AFG1L: variants seen among roughly 807,000 people sequenced by gnomAD.
AFG1L encodes the protein AFG1 like ATPase.
Under a neutral mutation model 62.2 loss-of-function variants are expected in AFG1L, and 53 were observed. The observed-to-expected ratio is 0.85, with a 90% confidence interval of 0.68 to 1.07. The LOEUF is 1.07. Among genes scored for constraint, AFG1L ranks in the 50% least tolerant of loss-of-function variants. The probability of loss-of-function intolerance (pLI) is 0.00; values close to 1 mark genes in which losing one functional copy is unlikely to be tolerated. For missense variants in AFG1L, 555 were observed against 590.5 expected (o/e 0.94, Z 0.62); for synonymous variants, 228 against 210.3 (o/e 1.08, Z -0.73).
chr6:108,468,832 C>A (rs80352736), intron 8 of AFG1L, among the ~76,000 whole-genome samples: 2,476 of 149,902 alleles, frequency 0.017, 32 homozygotes, highest in Non-Finnish European at 0.027. Context: ...CCTTTTCCTG[C>A]ATTTTGGATC....
chr6:108,343,659 G>A (rs1778764393), intron 2 of AFG1L, among the ~76,000 whole-genome samples: 1 of 152,178 alleles, frequency 6.6e-6, no homozygotes, highest in South Asian at 2.1e-4. Flanking sequence ...AGAGCATAAT[G>A]CTTTTTCTGG....
intron 11 of AFG1L, among the ~76,000 whole-genome samples, chr6:108,512,613 C>T (rs564972472): frequency 2.0e-4 from 31 of 152,192 alleles, no homozygotes; most frequent in African/African-American, 6.5e-4. Context: ...TGGAGAGACT[C>T]GTTATTTTGA....
At chr6:108,418,489 CT>C (rs987599893) in intron 7 of AFG1L, among the ~76,000 whole-genome samples, 11 of 151,880 alleles carry the variant, frequency 7.2e-5, no homozygotes, top group African/African-American at 2.7e-4. Context: ...TCAATAGCAC[CT>C]TTTTTTTCTA....
In AFG1L at chr6:108,439,034, G is replaced by A. The variant is rs781726710; in HGVS notation, c.808-8180G>A. Reference sequence around the variant, plus strand: ...GAGCCCTGAAGTGAGAGAACTTCACGATAATGTTAAAAATTTAGAGCTTAA... The same window carrying A: ...GAGCCCTGAAGTGAGAGAACTTCACAATAATGTTAAAAATTTAGAGCTTAA... On this transcript the variant is annotated intron_variant, in intron 7 of 12. Coordinates refer to ENST00000368977, the MANE Select transcript of AFG1L (RefSeq NM_145315.5). Among the ~76,000 whole-genome samples the A allele has an allele frequency of 3.9e-5, 6 of 152,066 alleles. No individual in the cohort carries two copies. In the South Asian group the frequency reaches 6.2e-4, roughly 16 times the overall value.
chr6:108,412,456 G>A (rs1414716558), intron 7 of AFG1L, among the ~76,000 whole-genome samples: 16 of 152,044 alleles, frequency 1.1e-4, no homozygotes, highest in African/African-American at 4.8e-5. Flanking sequence ...TCCAAGACAC[G>A]TAATTGTCAG....
At chr6:108,329,408 C>T (rs982654648) in intron 2 of AFG1L, among the ~76,000 whole-genome samples, 9 of 152,070 alleles carry the variant, frequency 5.9e-5, no homozygotes, top group African/African-American at 1.4e-4. Context: ...AAGTGATTCT[C>T]CTGTCTCGGC....
At chr6:108,297,626 A>C (rs1582546166) in intron 1 of AFG1L, among the ~76,000 whole-genome samples, 1 of 151,284 alleles carries the variant, frequency 6.6e-6, no homozygotes, top group African/African-American at 2.4e-5. Flanking sequence ...AGCCTGAGGG[A>C]GTAGGATCAC....
intron 2 of AFG1L, among the ~76,000 whole-genome samples, chr6:108,331,190 G>A (rs1238755252): frequency 6.6e-6 from 1 of 152,120 alleles, no homozygotes; most frequent in Non-Finnish European, 1.5e-5. Context: ...GGAGGCTGAG[G>A]TGGGAGGATC....
chr6:108,517,272 C>A (rs1317244492), intron 11 of AFG1L, among the ~76,000 whole-genome samples: 2 of 152,144 alleles, frequency 1.3e-5, no homozygotes, highest in East Asian at 3.9e-4. Flanking sequence ...GCTGCAGTAA[C>A]CAAAACAGCA....
intron 1 of AFG1L, among the ~76,000 whole-genome samples, chr6:108,301,986 C>G (rs1777019578): frequency 6.7e-6 from 1 of 150,292 alleles, no homozygotes; most frequent in Non-Finnish European, 1.5e-5. Flanking sequence ...CGTTCTGTTG[C>G]CCAGGCTGGA....
At chr6:108,490,707 C>G (rs1773742398) in intron 10 of AFG1L, among the ~76,000 whole-genome samples, 1 of 152,152 alleles carries the variant, frequency 6.6e-6, no homozygotes, top group African/African-American at 2.4e-5. Flanking sequence ...TCTTAATCTC[C>G]CCCTTCACTG....
chr6:108,361,641 A>G (rs1779533428), intron 5 of AFG1L, among the ~76,000 whole-genome samples: 1 of 152,198 alleles, frequency 6.6e-6, no homozygotes, highest in Admixed American at 6.5e-5. Context: ...CTCTGGCCAC[A>G]GGCTTGAGCC....
At chr6:108,453,393 T>C (rs1315253886) in intron 8 of AFG1L, among the ~76,000 whole-genome samples, 1 of 152,266 alleles carries the variant, frequency 6.6e-6, no homozygotes, top group African/African-American at 2.4e-5. Flanking sequence ...TCAAGCACTC[T>C]TGGTTTTCCA....
intron 7 of AFG1L, among the ~76,000 whole-genome samples, chr6:108,410,283 G>C (rs1782038486): frequency 6.6e-6 from 1 of 151,854 alleles, no homozygotes; most frequent in Non-Finnish European, 1.5e-5. Context: ...CTCCAGCCTG[G>C]GCAAGAGCGA....
intron 7 of AFG1L, among the ~76,000 whole-genome samples, chr6:108,420,924 A>G (rs1275508966): frequency 6.6e-6 from 1 of 152,138 alleles, no homozygotes; most frequent in Non-Finnish European, 1.5e-5. Context: ...TGTGTCTTAA[A>G]TATGGATTAG....
intron 8 of AFG1L, among the ~76,000 whole-genome samples, chr6:108,453,335 A>G (rs1482179987): frequency 1.3e-5 from 2 of 152,116 alleles, no homozygotes; most frequent in African/African-American, 2.4e-5. Flanking sequence ...ACAGATTTCA[A>G]AAAAAAAGTT....
At chr6:108,441,375 C>T (rs1771538558) in intron 7 of AFG1L, among the ~76,000 whole-genome samples, 2 of 152,102 alleles carry the variant, frequency 1.3e-5, no homozygotes, top group African/African-American at 4.8e-5. Flanking sequence ...GTGCTAACCT[C>T]CCTCCTTTTC....
intron 1 of AFG1L, among the ~76,000 whole-genome samples, chr6:108,312,885 C>A (rs1352949384): frequency 1.3e-5 from 2 of 152,064 alleles, no homozygotes; most frequent in Non-Finnish European, 2.9e-5. Context: ...GATCCTCCCA[C>A]CTTGGCTTCC....
chr6:108,459,365 G>T (rs921555279), intron 8 of AFG1L, among the ~76,000 whole-genome samples: 1 of 152,180 alleles, frequency 6.6e-6, no homozygotes, highest in Non-Finnish European at 1.5e-5. Context: ...AACTCACTAG[G>T]CAGTAAATTG....
Sources: gnomAD v4.1 joint callset for allele counts (sites outside exome capture counted in the v4.1 genomes callset) on GRCh38, gnomAD v4.1.1 for gene constraint, MANE v1.5 for transcripts, NCBI Gene and HGNC (gene_info 2026-07-23, HGNC 2026-07-21) for gene names.